The following SYNE2 variants were observed in gnomAD, a reference collection of about 807,000 sequenced individuals.
SYNE2 encodes nesprin-2.
Under a neutral mutation model 856.3 loss-of-function variants are expected in SYNE2, and 431 were observed. That is an observed-to-expected ratio of 0.50 (90% CI 0.47 to 0.55). The LOEUF is 0.55. Among genes scored for constraint, SYNE2 ranks in the 20% least tolerant of loss-of-function variants. The pLI, the probability that SYNE2 is intolerant of heterozygous loss-of-function variation, is 0.00. For synonymous variants in SYNE2, 2,923 were observed against 2,872.3 expected (o/e 1.02, Z -0.56); for missense variants, 8,129 against 8,023.2 (o/e 1.01, Z -0.50).
At chr14:64,073,262 C>T (rs2097427431) in intron 52 of SYNE2, among the ~76,000 whole-genome samples, 1 of 152,176 alleles carries the variant, frequency 6.6e-6, no homozygotes, top group Non-Finnish European at 1.5e-5. Context: ...GCAACCAGCC[C>T]TCATCCTGAG....
intron 1 of SYNE2, 148 bp from the exon 2 acceptor site, chr14:63,908,950 T>G (rs985352581): frequency 1.8e-6 from 1 of 563,240 alleles, no homozygotes; most frequent in Non-Finnish European, 3.2e-6. Flanking sequence ...ATAGTTACTT[T>G]GTTCTTCATG....
At chr14:63,962,599 T>G (rs2096335351) in intron 9 of SYNE2, among the ~76,000 whole-genome samples, 1 of 152,142 alleles carries the variant, frequency 6.6e-6, no homozygotes, top group Non-Finnish European at 1.5e-5. Flanking sequence ...CCCTATTTGT[T>G]GATATACTCT....
chr14:63,945,159 G>A (rs2792207), intron 6 of SYNE2, among the ~76,000 whole-genome samples: 67,493 of 133,672 alleles, frequency 0.5, 17,302 homozygotes, highest in South Asian at 0.59. Context: ...TTTTGTTGAT[G>A]TATATGTAAT....
At chr14:63,889,805 A>T (rs1219205233) in intron 1 of SYNE2, among the ~76,000 whole-genome samples, 1 of 152,096 alleles carries the variant, frequency 6.6e-6, no homozygotes, top group East Asian at 1.9e-4. Context: ...TCACAGTTTT[A>T]CATGACATGA....
intron 97 of SYNE2, among the ~76,000 whole-genome samples, chr14:64,187,534 G>C (rs754792166): frequency 6.6e-6 from 1 of 152,156 alleles, no homozygotes; most frequent in African/African-American, 2.4e-5. Context: ...AAGATAAACA[G>C]ATGCCCCGAG....
At chr14:63,979,719 G>A (rs1192660039) in intron 14 of SYNE2, among the ~76,000 whole-genome samples, 1 of 152,168 alleles carries the variant, frequency 6.6e-6, no homozygotes, top group Non-Finnish European at 1.5e-5. Flanking sequence ...TCGAGACATG[G>A]CGAAACCCTG....
chr14:63,872,507 G>C (rs1033856548), intron 1 of SYNE2, among the ~76,000 whole-genome samples: 1 of 151,814 alleles, frequency 6.6e-6, no homozygotes, highest in Non-Finnish European at 1.5e-5. Flanking sequence ...TATAATCCCA[G>C]CACTTTGGGA....
At chr14:64,159,890 G>A (rs2098314822) in intron 87 of SYNE2, among the ~76,000 whole-genome samples, 1 of 152,184 alleles carries the variant, frequency 6.6e-6, no homozygotes, top group South Asian at 2.1e-4. Flanking sequence ...GGAATTCTTT[G>A]ATGAACTACT....
Position 63,981,129 on chromosome 14 carries a change from C to A in SYNE2, c.1792C>A (p.Leu598Ile), listed in dbSNP as rs2096582192. The A allele has an allele frequency of 6.2e-7, 1 of 1,613,730 alleles. No individual in the cohort carries two copies. The change falls in exon 16 of 116, where the codon CTA becomes ATA. Residue 598 changes from leucine to isoleucine, a missense_variant. By Grantham distance (5) the Leu-to-Ile change is conservative. Around this residue, in one of 3 missense-constraint regions of SYNE2, gnomAD observed 2,422 missense variants for 2,357.4 expected, o/e 1.03. Coordinates refer to ENST00000555002, the MANE Select transcript of SYNE2 (RefSeq NM_182914.3). ...WATYVENLRL[L>I]RACFEETKKE... The stretch of plus-strand genomic sequence containing the variant: ...TACTTATGTGGAAAACCTTCGCTTA[C>A]TAAGGGCTTGCTTTGAGGAGACAAA...
At chr14:64,104,983 G>C (rs2097761794) in intron 64 of SYNE2, among the ~76,000 whole-genome samples, 2 of 152,096 alleles carry the variant, frequency 1.3e-5, no homozygotes, top group Admixed American at 1.3e-4. Flanking sequence ...AGTGTCTGCT[G>C]TTGGTGCCAC....
At chr14:63,826,585 T>A (rs1889439684) in intron 1 of SYNE2, among the ~76,000 whole-genome samples, 1 of 151,960 alleles carries the variant, frequency 6.6e-6, no homozygotes, top group Admixed American at 6.6e-5. Flanking sequence ...CAGGCGTGAG[T>A]CACCGCGCCT....
intron 23 of SYNE2, among the ~76,000 whole-genome samples, chr14:63,996,309 T>C (rs1010154922): frequency 1.3e-5 from 2 of 152,208 alleles, no homozygotes; most frequent in Non-Finnish European, 2.9e-5. Context: ...GCCAGGGTTC[T>C]TTTCTCAGAA....
At chr14:64,219,467 C>G in intron 110 of SYNE2, 57 bp downstream of exon 110, 2 of 1,553,424 alleles carry the variant, frequency 1.3e-6, no homozygotes, top group Non-Finnish European at 1.8e-6. Flanking sequence ...GAACGCATTG[C>G]TATGCTGGAC....
chr14:64,010,198 C>CT (rs2096832858), intron 32 of SYNE2, 82 bp downstream of exon 32: 8 of 1,445,830 alleles, frequency 5.5e-6, no homozygotes, highest in Admixed American at 2.0e-5. Flanking sequence ...TAGATTAAGT[C>CT]TTTTTTGAAA....
At chr14:64,160,136 G>C (rs777996605) in intron 87 of SYNE2, among the ~76,000 whole-genome samples, 1 of 152,192 alleles carries the variant, frequency 6.6e-6, no homozygotes, top group African/African-American at 2.4e-5. Flanking sequence ...ATACCCTGCA[G>C]TGGTGCCCTT....
chr14:64,140,084 A>G lies in SYNE2; in HGVS notation c.14976+11A>G, dbSNP rs761180399. ...ATCAACAATTTTTTTGTAAGTTGTA[A>G]TAGCATATGTTCAGTTAATTACTGG... On this transcript the variant is annotated intron_variant, in intron 80 of 115. Transcript: ENST00000555002. The G allele has an allele frequency of 6.2e-7, 1 of 1,611,850 alleles. No homozygotes were observed. Among genetic ancestry groups the G allele is most frequent in the Non-Finnish European group, 8.5e-7 (1 of 1,179,052 alleles).
chr14:63,858,187 C>T (rs939249998), intron 1 of SYNE2, among the ~76,000 whole-genome samples: 3 of 150,790 alleles, frequency 2.0e-5, no homozygotes, highest in African/African-American at 7.3e-5. Context: ...ACAGTCTCAG[C>T]TCACTGCAAC....
chr14:63,806,194 T>C (rs1443566890), intron 1 of SYNE2, among the ~76,000 whole-genome samples: 1 of 152,228 alleles, frequency 6.6e-6, no homozygotes, highest in Non-Finnish European at 1.5e-5. Flanking sequence ...CATGAAGAGA[T>C]GTTGAATTTT....
In SYNE2 at chr14:64,052,359, CA is replaced by C; in HGVS notation, c.8449del (p.Met2817CysfsTer4). The C allele has an allele frequency of 6.2e-7, 1 of 1,614,104 alleles. No individual in the cohort carries two copies. Among genetic ancestry groups the C allele is most frequent in the Non-Finnish European group, 8.5e-7 (1 of 1,179,996 alleles). ...CCTAGAGGACTTACGGAATCAATAC[CA>C]AATGCTGGTTTTAAAATCAACTCAA... Reference protein sequence around the residue: ...NTLEDLRNQYQMLVLKSTQRS... With the variant: ...NTLEDLRNQYXMLVLKSTQRS... On this transcript the variant is annotated frameshift_variant, in exon 48 of 116. Coordinates refer to ENST00000555002, the MANE Select transcript of SYNE2 (RefSeq NM_182914.3). LOFTEE classifies it high-confidence loss of function.
Sources: allele counts gnomAD v4.1 joint callset (sites outside exome capture counted in the v4.1 genomes callset), GRCh38; gene constraint gnomAD v4.1.1; regional missense constraint gnomAD v4.1.1; transcripts MANE v1.5; gene names NCBI Gene and HGNC (gene_info 2026-07-23, HGNC 2026-07-21).